Variants in FOXO1 observed in about 807,000 individuals in gnomAD.
FOXO1 encodes forkhead box protein O1.
In FOXO1, 6 loss-of-function variants were observed where a neutral mutation model predicts 44.1. The observed-to-expected ratio is 0.14, with a 90% confidence interval of 0.07 to 0.27. The LOEUF is 0.27. FOXO1 is among the 10% of genes least tolerant of loss of function. The pLI is 1.00. For missense variants in FOXO1, 737 were observed against 888.8 expected (o/e 0.83, Z 2.17); for synonymous variants, 380 against 362.7 (o/e 1.05, Z -0.54).
intron 1 of FOXO1, among the ~76,000 whole-genome samples, chr13:40,613,312 CA>C (rs1304944839): frequency 6.6e-6 from 1 of 152,050 alleles, no homozygotes. Context: ...TCCTGAGGCA[CA>C]TAAGGATGTG....
chr13:40,602,320 C>G (rs538125582), intron 1 of FOXO1, among the ~76,000 whole-genome samples: 38 of 151,946 alleles, frequency 2.5e-4, no homozygotes, highest in Admixed American at 7.2e-4. Context: ...GCCGGCTATC[C>G]ACAGAGAAAT....
At chr13:40,596,430 T>C (rs1295681017) in intron 1 of FOXO1, among the ~76,000 whole-genome samples, 2 of 152,216 alleles carry the variant, frequency 1.3e-5, no homozygotes, top group East Asian at 1.9e-4. Context: ...GGCTACTCCA[T>C]ATATGAGAAA....
rs1050665372 is a variant in FOXO1, at chr13:40,557,190, C to G, written c.*1859G>C. On this transcript the variant is annotated 3_prime_UTR_variant, in exon 3 of 3. Coordinates refer to ENST00000379561, the MANE Select transcript of FOXO1 (RefSeq NM_002015.4). ...AAGCAAGTGTGATGTGGGCTATATA[C>G]AGAAAAATTAGATCCTTCTCAAGAA... 3 of 152,198 alleles carry G rather than the reference C, an allele frequency of 2.0e-5. No homozygotes were observed. The highest frequency in any genetic ancestry group is 4.4e-5 in the Non-Finnish European group (3 of 68,034). 9.4% of individuals were successfully genotyped at this position (152,198 alleles called of 1,614,324 possible).
chr13:40,634,146 G>A (rs753284891), intron 1 of FOXO1, among the ~76,000 whole-genome samples: 30 of 152,152 alleles, frequency 2.0e-4, no homozygotes, highest in Non-Finnish European at 3.4e-4. Flanking sequence ...AGGGTACCAG[G>A]ACTGTGTGAT....
intron 1 of FOXO1, among the ~76,000 whole-genome samples, chr13:40,652,926 A>G (rs1877731114): frequency 6.6e-6 from 1 of 152,156 alleles, no homozygotes; most frequent in Non-Finnish European, 1.5e-5. Context: ...TGATTCAATT[A>G]TAATTTCTCT....
chr13:40,648,579 T>C (rs750644108), intron 1 of FOXO1, among the ~76,000 whole-genome samples: 3 of 152,336 alleles, frequency 2.0e-5, no homozygotes, highest in Middle Eastern at 3.4e-3. Flanking sequence ...ACTTTCTTAG[T>C]GCATTCCAAT....
At chr13:40,640,292 A>T (rs117405643) in intron 1 of FOXO1, among the ~76,000 whole-genome samples, 1 of 152,336 alleles carries the variant, frequency 6.6e-6, no homozygotes, top group East Asian at 1.9e-4. Context: ...AGGGAAAGGG[A>T]GGGACGATGA....
intron 1 of FOXO1, among the ~76,000 whole-genome samples, chr13:40,564,284 A>T (rs1385456730): frequency 1.1e-5 from 1 of 93,546 alleles, no homozygotes; most frequent in African/African-American, 4.1e-5. Flanking sequence ...TTAGACTTTA[A>T]AAAAAAAAAA....
At chr13:40,664,643 C>T (rs1878158579) in intron 1 of FOXO1, among the ~76,000 whole-genome samples, 2 of 152,196 alleles carry the variant, frequency 1.3e-5, no homozygotes, top group Admixed American at 1.3e-4. Context: ...TCCCAGCCCC[C>T]GGCCCCTCAG....
At chr13:40,581,408 TC>T (rs1264320872) in intron 1 of FOXO1, among the ~76,000 whole-genome samples, 1 of 152,210 alleles carries the variant, frequency 6.6e-6, no homozygotes, top group East Asian at 1.9e-4. Context: ...CCTTTTATCA[TC>T]AACAGAACTT....
chr13:40,560,740 TAGG>T lies in FOXO1; in HGVS notation c.748_750del (p.Pro250del). The T allele has an allele frequency of 6.2e-7, 1 of 1,614,224 alleles. No individual in the cohort carries two copies. The highest frequency in any genetic ancestry group is 8.5e-7 in the Non-Finnish European group (1 of 1,180,024). On this transcript the variant is annotated inframe_deletion, in exon 2 of 3. Coordinates refer to ENST00000379561, the MANE Select transcript of FOXO1 (RefSeq NM_002015.4). The surrounding 1 kb of genome is among the most constrained non-coding windows in gnomAD (Gnocchi z 5.1). The stretch of plus-strand genomic sequence containing the variant: ...TTGTCCATGGATGCAGCTCTTCTCC[TAGG>T]AGATTTCCCGCTCTTGCCACCCTCT...
intron 1 of FOXO1, among the ~76,000 whole-genome samples, chr13:40,622,831 T>A (rs1876660016): frequency 6.6e-6 from 1 of 152,238 alleles, no homozygotes; most frequent in Admixed American, 6.5e-5. Flanking sequence ...ATTTTGCTCA[T>A]TCCCTAAGGA....
In FOXO1 at chr13:40,593,109, A is replaced by G. The variant is rs1277070644; in HGVS notation, c.631-32249T>C. ...CGTGATCATTGCTTACTGCAGCCTC[A>G]AACTCCCAGGCTCAGGTGATGGCCC... On this transcript the variant is annotated intron_variant, in intron 1 of 2. Coordinates refer to ENST00000379561, the MANE Select transcript of FOXO1 (RefSeq NM_002015.4). Among the ~76,000 whole-genome samples, 4 of 152,010 alleles carry G rather than the reference A, an allele frequency of 2.6e-5. No homozygotes were observed. In the East Asian group the frequency reaches 7.7e-4, roughly 29 times the overall value.
intron 2 of FOXO1, 66 bp downstream of exon 2, chr13:40,559,443 G>A: frequency 1.4e-6 from 2 of 1,422,576 alleles, no homozygotes; most frequent in Admixed American, 2.3e-5. Flanking sequence ...ACCATGGCAA[G>A]TTACTGTGTT....
intron 1 of FOXO1, among the ~76,000 whole-genome samples, chr13:40,646,239 G>A (rs926126420): frequency 1.3e-5 from 2 of 151,852 alleles, no homozygotes; most frequent in Non-Finnish European, 2.9e-5. Context: ...TTATTTGAGG[G>A]GTGTGAAGGA....
At chr13:40,619,490 G>T in intron 1 of FOXO1, 1 of 1,307,992 alleles carries the variant, frequency 7.6e-7, no homozygotes. Context: ...GGAGAGTTTC[G>T]GTTTAGTTTG....
At chr13:40,584,430 C>A (rs1875070354) in intron 1 of FOXO1, among the ~76,000 whole-genome samples, 1 of 132,188 alleles carries the variant, frequency 7.6e-6, no homozygotes, top group African/African-American at 3.0e-5. Context: ...TCAAGACCAG[C>A]CTGGGCAACA....
At chr13:40,562,172 A>G (rs1365590437) in intron 1 of FOXO1, among the ~76,000 whole-genome samples, 1 of 152,162 alleles carries the variant, frequency 6.6e-6, no homozygotes, top group South Asian at 2.1e-4. Flanking sequence ...ACCAATGACC[A>G]GTAGTATGAG....
At chr13:40,593,503 A>G (rs1875465266) in intron 1 of FOXO1, among the ~76,000 whole-genome samples, 1 of 152,142 alleles carries the variant, frequency 6.6e-6, no homozygotes, top group Non-Finnish European at 1.5e-5. Context: ...ACTGCAGCAA[A>G]GAAAAGTTCT....
Sources: gnomAD v4.1 joint callset for allele counts (sites outside exome capture counted in the v4.1 genomes callset) on GRCh38, gnomAD v4.1.1 for gene constraint, Gnocchi (gnomAD v3.1) non-coding constraint, MANE v1.5 for transcripts, NCBI Gene and HGNC (gene_info 2026-07-23, HGNC 2026-07-21) for gene names.